Variants in EFHD1 observed in about 807,000 individuals in gnomAD.
EFHD1 encodes the protein EF-hand domain-containing protein D1.
EFHD1 carries 10 observed loss-of-function variants against 17.2 expected under a neutral mutation model. That is an observed-to-expected ratio of 0.58 (90% confidence interval 0.36 to 0.99). The LOEUF is 0.99. EFHD1 is among the 50% of genes least tolerant of loss of function. EFHD1 has a pLI of 0.01. For synonymous variants in EFHD1, 153 were observed against 142.0 expected, an observed-to-expected ratio of 1.08 and a Z score of -0.55; for missense variants, 310 against 327.5, an observed-to-expected ratio of 0.95 and a Z score of 0.41.
At chr2:232,665,762 A>G (rs1694957805) in intron 2 of EFHD1, among the ~76,000 whole-genome samples, 1 of 152,272 alleles carries the variant, frequency 6.6e-6, no homozygotes, top group Non-Finnish European at 1.5e-5. Flanking sequence ...TTAAAGGCTC[A>G]GAGCATCTGA....
chr2:232,676,291 C>T lies in EFHD1; in HGVS notation c.585+3848C>T, dbSNP rs542901577. 8.5e-4 allele frequency among the ~76,000 whole-genome samples: 129 copies of T among 152,260 alleles called. 2 individuals carry two copies. Among genetic ancestry groups the T allele is most frequent in the African/African-American group, 2.7e-3 (112 of 41,554 alleles). On this transcript the variant is annotated intron_variant, in intron 3 of 3. Coordinates refer to ENST00000264059, the MANE Select transcript of EFHD1 (RefSeq NM_025202.4). ...GAGGTGACTTCAGGCACGGGAAAGG[C>T]GTGCCCTTTCATTTGAAGGCCATCA...
chr2:232,657,895 TTTTC>T (rs1255920380), intron 1 of EFHD1, among the ~76,000 whole-genome samples: 1 of 131,840 alleles, frequency 7.6e-6, no homozygotes, highest in Non-Finnish European at 1.7e-5. Context: ...TTTTTCTTTC[TTTTC>T]TTTTTTTTTT....
chr2:232,646,308 C>T (rs542631676), intron 1 of EFHD1, among the ~76,000 whole-genome samples: 2 of 152,100 alleles, frequency 1.3e-5, no homozygotes, highest in East Asian at 1.9e-4. Context: ...CCCACCCAGG[C>T]CTTGCTCTCA....
intron 1 of EFHD1, among the ~76,000 whole-genome samples, chr2:232,643,939 T>C (rs1694477867): frequency 6.6e-6 from 1 of 152,234 alleles, no homozygotes; most frequent in African/African-American, 2.4e-5. Flanking sequence ...TGGGGGCTCC[T>C]GAAGGCCAAA....
upstream of EFHD1, among the ~76,000 whole-genome samples, chr2:232,629,626 G>A (rs574010885): frequency 2.3e-4 from 35 of 152,110 alleles, no homozygotes; most frequent in South Asian, 1.7e-3. Context: ...GTGTCACCAC[G>A]CCCGGCTAAC....
chr2:232,646,772 C>G (rs1361276719), intron 1 of EFHD1, among the ~76,000 whole-genome samples: 1 of 152,182 alleles, frequency 6.6e-6, no homozygotes, highest in African/African-American at 2.4e-5. Context: ...TTATGATGCT[C>G]CCCCACCTTC....
In EFHD1 at chr2:232,636,528, G is replaced by A. The variant is rs147242582; in HGVS notation, c.302+2522G>A. ...AGATTATCACATATCCATAATTTGG[G>A]TAAATGTGCACATTTGGCTGGGTGT... On this transcript the variant is annotated intron_variant, in intron 1 of 3. Transcript: ENST00000264059. 1.8e-3 allele frequency among the ~76,000 whole-genome samples: 268 copies of A among 152,264 alleles called. 1 individual carries two copies. The highest frequency in any genetic ancestry group is 6.2e-3 in the African/African-American group (257 of 41,548).
chr2:232,642,373 C>CAAAAAAAAA (rs764647177), intron 1 of EFHD1, among the ~76,000 whole-genome samples: 7 of 68,962 alleles, frequency 1.0e-4, no homozygotes, highest in African/African-American at 1.1e-4. Context: ...GACTCTGTCT[C>CAAAAAAAAA]AAAAAAAAAA....
chr2:232,631,146 G>A (rs879927498), upstream of EFHD1, among the ~76,000 whole-genome samples: 66 of 152,030 alleles, frequency 4.3e-4, no homozygotes, highest in Admixed American at 1.4e-3. Context: ...TGAATCGCTT[G>A]AACCTGGGAG....
intron 2 of EFHD1, among the ~76,000 whole-genome samples, chr2:232,668,541 G>A (rs1695008631): frequency 6.6e-6 from 1 of 152,172 alleles, no homozygotes; most frequent in Non-Finnish European, 1.5e-5. Context: ...CCAAGCCTCG[G>A]GGATGGCGAG....
At chr2:232,659,799 C>A (rs1455622371) in intron 1 of EFHD1, among the ~76,000 whole-genome samples, 4 of 152,106 alleles carry the variant, frequency 2.6e-5, no homozygotes, top group African/African-American at 7.2e-5. Flanking sequence ...CAGGCTGTAC[C>A]GGAAGCATGG....
At chr2:232,612,726 T>C (rs1693832501) in intron 1 of EFHD1, among the ~76,000 whole-genome samples, 1 of 146,500 alleles carries the variant, frequency 6.8e-6, no homozygotes, top group Admixed American at 6.7e-5. Flanking sequence ...AGTTTCTTTT[T>C]TTCTTTTCTT....
chr2:232,656,379 C>T (rs1694761460), intron 1 of EFHD1, among the ~76,000 whole-genome samples: 1 of 151,830 alleles, frequency 6.6e-6, no homozygotes, highest in Non-Finnish European at 1.5e-5. Flanking sequence ...CTCTCAAAAC[C>T]TGTGCTGGGA....
chr2:232,624,334 A>C (rs986162833), intron 1 of EFHD1, among the ~76,000 whole-genome samples: 1 of 152,164 alleles, frequency 6.6e-6, no homozygotes, highest in Non-Finnish European at 1.5e-5. Context: ...GACATGGATG[A>C]CAGGAGCCAC....
upstream of EFHD1, among the ~76,000 whole-genome samples, chr2:232,631,285 T>TC (rs1694196655): frequency 6.6e-6 from 1 of 151,484 alleles, no homozygotes; most frequent in African/African-American, 2.4e-5. Context: ...TCTCTCTTTC[T>TC]TTCTCTCTCT....
intron 1 of EFHD1, among the ~76,000 whole-genome samples, chr2:232,613,431 A>C (rs1193728800): frequency 6.6e-6 from 1 of 152,072 alleles, no homozygotes; most frequent in Non-Finnish European, 1.5e-5. Flanking sequence ...CTCAAGAAAG[A>C]AGCATATGTC....
At chr2:232,636,780 G>A (rs112509361) in intron 1 of EFHD1, among the ~76,000 whole-genome samples, 11 of 152,140 alleles carry the variant, frequency 7.2e-5, no homozygotes, top group Admixed American at 3.9e-4. Flanking sequence ...CCGAGATCAC[G>A]CCATTGCACT....
rs1280954739 is a variant in EFHD1 at position 232,634,619 on chromosome 2, C to T, written c.302+613C>T. Among the ~76,000 whole-genome samples the T allele has an allele frequency of 3.3e-5, 5 of 152,270 alleles. No individual in the cohort carries two copies. In the East Asian group the frequency reaches 7.7e-4, roughly 24 times the overall value. On this transcript the variant is annotated intron_variant, in intron 1 of 3. Coordinates refer to ENST00000264059, the MANE Select transcript of EFHD1 (RefSeq NM_025202.4). Reference sequence around the variant, plus strand: ...TGGGAACCGAACTTGGCCGCTGGCACCGGTCCGGCGGGGGCTCGTTGCGGT... The same window carrying T: ...TGGGAACCGAACTTGGCCGCTGGCATCGGTCCGGCGGGGGCTCGTTGCGGT...
intron 1 of EFHD1, 188 bp from the exon 2 acceptor site, chr2:232,662,614 T>G: frequency 1.7e-6 from 1 of 601,470 alleles, no homozygotes. Flanking sequence ...AAGATCTGCT[T>G]TGAGTCATAC....
Sources: allele counts gnomAD v4.1 joint callset (sites outside exome capture counted in the v4.1 genomes callset), GRCh38; gene constraint gnomAD v4.1.1; transcripts MANE v1.5; gene names NCBI Gene and HGNC (gene_info 2026-07-23, HGNC 2026-07-21).